Variants in TBL1XR1 observed in about 807,000 individuals in gnomAD.
The protein encoded by TBL1XR1 is F-box-like/WD repeat-containing protein TBL1XR1.
Under a neutral mutation model 66.9 loss-of-function variants are expected in TBL1XR1, and 5 were observed. The observed-to-expected ratio is 0.07, with a 90% CI of 0.04 to 0.16. The LOEUF is 0.16. Among genes scored for constraint, TBL1XR1 ranks in the 10% least tolerant of loss-of-function variants. TBL1XR1 has a pLI of 1.00. For synonymous variants in TBL1XR1, 210 were observed against 206.0 expected, an observed-to-expected ratio of 1.02 and a Z score of -0.17; for missense variants, 238 against 623.2, an observed-to-expected ratio of 0.38 and a Z score of 6.58.
intron 1 of TBL1XR1, chr3:177,099,472 A>G (rs1482398552): frequency 1.3e-5 from 2 of 152,290 alleles, no homozygotes; most frequent in African/African-American, 4.8e-5. Context: ...ACAGTTTTCT[A>G]AAGAGTAAAA....
chr3:177,026,146 A>G (rs1713091779), intron 15 of TBL1XR1: 1 of 510,622 alleles, frequency 2.0e-6, no homozygotes, highest in African/African-American at 2.0e-5. Flanking sequence ...ATTAAAAATA[A>G]CTGTCCATTT....
chr3:177,058,366 G>A (rs1235070258), intron 3 of TBL1XR1, among the ~76,000 whole-genome samples: 2 of 152,146 alleles, frequency 1.3e-5, no homozygotes, highest in Non-Finnish European at 2.9e-5. Flanking sequence ...TTATTGAAGA[G>A]CTAGATCTAG....
chr3:177,047,324 G>T lies in TBL1XR1; in HGVS notation c.840C>A (p.Phe280Leu). The stretch of plus-strand genomic sequence containing the variant: ...CCTTGTCTACTCCAGCACTTAGGAT[G>T]AAATTTCCTTTCTTATTCCATTTTA... Reference protein sequence around the residue: ...FALKWNKKGNFILSAGVDKTT... With the variant: ...FALKWNKKGNLILSAGVDKTT... Residue 280 changes from phenylalanine (F) to leucine (L), a missense_variant, in exon 9 of 16, where the codon TTC (phenylalanine) becomes TTA (leucine). Around this residue, in one of 8 missense-constraint regions of TBL1XR1, gnomAD observed 89 missense variants for 220.2 expected, o/e 0.40. Coordinates refer to ENST00000457928, the MANE Select transcript of TBL1XR1 (RefSeq NM_024665.7). 1 of 1,564,166 alleles carries T rather than the reference G, an allele frequency of 6.4e-7. No homozygotes were observed. Among genetic ancestry groups the T allele is most frequent in the South Asian group, 1.2e-5 (1 of 85,598 alleles).
chr3:177,139,601 A>G (rs567729727), intron 1 of TBL1XR1, among the ~76,000 whole-genome samples: 4 of 151,946 alleles, frequency 2.6e-5, no homozygotes, highest in Non-Finnish European at 5.9e-5. Flanking sequence ...ATAACTAAAC[A>G]CCAAATTCAT....
chr3:177,106,335 G>C (rs1054357298), intron 1 of TBL1XR1, among the ~76,000 whole-genome samples: 2 of 152,170 alleles, frequency 1.3e-5, no homozygotes, highest in Admixed American at 6.5e-5. Flanking sequence ...GATTCATCAA[G>C]GAAGTTCTAG....
At chr3:177,055,454 C>T (rs984790993) in intron 3 of TBL1XR1, among the ~76,000 whole-genome samples, 11 of 148,176 alleles carry the variant, frequency 7.4e-5, no homozygotes, top group African/African-American at 2.7e-4. Context: ...ATTTTAGCCC[C>T]TGATTTTGCC....
chr3:177,084,347 C>T (rs1254908420), intron 2 of TBL1XR1, among the ~76,000 whole-genome samples: 1 of 152,172 alleles, frequency 6.6e-6, no homozygotes, highest in Non-Finnish European at 1.5e-5. Flanking sequence ...TTTTGGCTGT[C>T]CCACCCCACA....
At position 177,024,713 on chromosome 3, in the gene TBL1XR1, G is replaced by GAAAAAAAAAAACAAAAAAAC. The variant is rs1712848132; in HGVS notation, c.*784_*785insGTTTTTTTGTTTTTTTTTTT. The GAAAAAAAAAAACAAAAAAAC allele has an allele frequency of 1.2e-5, 1 of 85,376 alleles. No homozygotes were observed. 5.3% of individuals were successfully genotyped at this position (85,376 alleles called of 1,614,324 possible). A position where few individuals can be genotyped will look rare whatever the true frequency, so the allele number is the denominator to read the frequency against. On this transcript the variant is annotated 3_prime_UTR_variant, in exon 16 of 16. Coordinates refer to ENST00000457928, the MANE Select transcript of TBL1XR1 (RefSeq NM_024665.7). ...AGCCACATCACCAAAAAACAAAAAA[G>GAAAAAAAAAAACAAAAAAAC]AAAAAAAAAAAAAAAAAGCAAAACA...
intron 14 of TBL1XR1, chr3:177,027,617 T>TA (rs60859284): frequency 0.33 from 50,431 of 151,648 alleles, 8,765 homozygotes; most frequent in East Asian, 0.58. Context: ...CAGATCTACT[T>TA]AAAAGCACAT....
chr3:177,154,475 C>A (rs73039685), intron 1 of TBL1XR1, among the ~76,000 whole-genome samples: 1,581 of 152,100 alleles, frequency 0.01, 31 homozygotes, highest in African/African-American at 0.036. Flanking sequence ...CAGCTCACTG[C>A]AACTTGTACC....
At chr3:177,192,092 C>CA (rs34461843) in intron 1 of TBL1XR1, among the ~76,000 whole-genome samples, 3,794 of 64,450 alleles carry the variant, frequency 0.059, 156 homozygotes, top group African/African-American at 0.16. Flanking sequence ...GACTCTGTCT[C>CA]AAAAAAAAAA....
intron 1 of TBL1XR1, among the ~76,000 whole-genome samples, chr3:177,143,470 AGTT>A (rs532862355): frequency 1.1e-3 from 167 of 152,302 alleles, no homozygotes; most frequent in African/African-American, 3.9e-3. Flanking sequence ...AAATGCTGTA[AGTT>A]TTTTACAGTA....
intron 1 of TBL1XR1, among the ~76,000 whole-genome samples, chr3:177,148,528 A>G (rs1405955415): frequency 2.0e-5 from 3 of 151,874 alleles, no homozygotes; most frequent in South Asian, 2.1e-4. Context: ...AGCCTGACCA[A>G]TATGGTGAAA....
chr3:177,053,040 T>G (rs1178732104), intron 4 of TBL1XR1, among the ~76,000 whole-genome samples: 1 of 152,136 alleles, frequency 6.6e-6, no homozygotes, highest in African/African-American at 2.4e-5. Flanking sequence ...AGGCGGAGGT[T>G]GCAGTGAGCT....
intron 12 of TBL1XR1, chr3:177,037,509 C>CT (rs1553809985): frequency 1.3e-5 from 2 of 151,496 alleles, no homozygotes. Flanking sequence ...CAATGGGCGG[C>CT]GGGGGGGGCA....
At chr3:177,089,830 G>A (rs1169529394) in intron 2 of TBL1XR1, among the ~76,000 whole-genome samples, 1 of 152,140 alleles carries the variant, frequency 6.6e-6, no homozygotes, top group Non-Finnish European at 1.5e-5. Flanking sequence ...AAAAAGATAT[G>A]CAAACAGTTC....
intron 2 of TBL1XR1, among the ~76,000 whole-genome samples, chr3:177,067,600 TA>T (rs954047348): frequency 6.6e-6 from 1 of 152,178 alleles, no homozygotes; most frequent in African/African-American, 2.4e-5. Flanking sequence ...TTTTAAGTCA[TA>T]ATAAAAAATA....
chr3:177,174,326 G>A (rs1045464030), intron 1 of TBL1XR1, among the ~76,000 whole-genome samples: 8 of 146,072 alleles, frequency 5.5e-5, no homozygotes, highest in African/African-American at 1.5e-4. Context: ...GAAGAATGGC[G>A]TGAACCCAGG....
intron 1 of TBL1XR1, chr3:177,131,348 G>C: frequency 1.0e-6 from 1 of 985,350 alleles, no homozygotes; most frequent in Non-Finnish European, 1.2e-6. Context: ...AGATGGGAAA[G>C]AGAATCACAC....
Sources: gnomAD v4.1 joint callset for allele counts (sites outside exome capture counted in the v4.1 genomes callset) on GRCh38, gnomAD v4.1.1 for gene constraint, gnomAD v4.1.1 regional missense constraint, MANE v1.5 for transcripts, NCBI Gene and HGNC (gene_info 2026-07-23, HGNC 2026-07-21) for gene names.